SLC27A6: variants seen among roughly 807,000 people sequenced by gnomAD.
SLC27A6 encodes the protein solute carrier family 27 member 6, also known as long-chain fatty acid transport protein 6.
A neutral mutation model predicts 63.9 loss-of-function variants in SLC27A6; 74 were observed. That is an observed-to-expected ratio of 1.16 (90% CI 0.96 to 1.40). The LOEUF is 1.40. Ranked by LOEUF, SLC27A6 falls within the 40% of genes most tolerant of loss-of-function variation. The pLI, the probability that SLC27A6 is intolerant of heterozygous loss-of-function variation, is 0.00. For synonymous variants in SLC27A6, 287 were observed against 260.8 expected, an observed-to-expected ratio of 1.10 and a Z score of -0.97; for missense variants, 794 against 732.9, an observed-to-expected ratio of 1.08 and a Z score of -0.96.
At chr5:129,020,240 A>G (rs888540970) in intron 5 of SLC27A6, among the ~76,000 whole-genome samples, 2 of 152,210 alleles carry the variant, frequency 1.3e-5, no homozygotes, top group African/African-American at 2.4e-5. Context: ...CAAAGTTTTA[A>G]GAAATCAGAA....
intron 4 of SLC27A6, among the ~76,000 whole-genome samples, chr5:129,000,586 G>T (rs572510844): frequency 2.0e-5 from 3 of 152,264 alleles, no homozygotes; most frequent in Admixed American, 1.3e-4. Context: ...TTCTATCGTT[G>T]CAGGCAGGGA....
At chr5:128,994,271 C>G (rs563528592) in intron 4 of SLC27A6, among the ~76,000 whole-genome samples, 77 of 152,048 alleles carry the variant, frequency 5.1e-4, no homozygotes, top group African/African-American at 1.8e-3. Context: ...TGAATGCAAA[C>G]TGAGGAGGAA....
rs1357633902 is a variant in SLC27A6 at position 128,988,592 on chromosome 5, T to C, written c.686-8T>C. 1 of 1,612,286 alleles carries C rather than the reference T, an allele frequency of 6.2e-7. No homozygotes were observed. Among genetic ancestry groups the C allele is most frequent in the Non-Finnish European group, 8.5e-7 (1 of 1,179,050 alleles). The stretch of plus-strand genomic sequence containing the variant: ...ATATATATTTCCTGTTCTTTTCTTT[T>C]CTTCCAGGTCTACCAAAAGCAGCTG... On this transcript the variant is annotated splice_polypyrimidine_tract_variant and splice_region_variant and intron_variant, in intron 2 of 9. Transcript: ENST00000262462.
intron 4 of SLC27A6, among the ~76,000 whole-genome samples, chr5:129,014,765 C>T (rs1478147709): frequency 6.6e-6 from 1 of 152,190 alleles, no homozygotes; most frequent in Non-Finnish European, 1.5e-5. Context: ...CTGCTTTCCT[C>T]ATTCTTTTTG....
chr5:128,969,954 T>C (rs1044513123), intron 1 of SLC27A6, among the ~76,000 whole-genome samples: 3 of 152,340 alleles, frequency 2.0e-5, no homozygotes, highest in Admixed American at 6.5e-5. Flanking sequence ...ACCTAGTTTA[T>C]TGAGAGTTTT....
At chr5:128,986,425 A>C (rs1750787855) in intron 2 of SLC27A6, among the ~76,000 whole-genome samples, 1 of 152,168 alleles carries the variant, frequency 6.6e-6, no homozygotes, top group Non-Finnish European at 1.5e-5. Context: ...TTTGAAAATG[A>C]TTGTTGATTT....
chr5:128,986,036 C>T (rs1750774632), intron 2 of SLC27A6, among the ~76,000 whole-genome samples: 1 of 152,130 alleles, frequency 6.6e-6, no homozygotes, highest in Admixed American at 6.6e-5. Context: ...AAGGGCCTGG[C>T]ACAGTGACTA....
intron 1 of SLC27A6, among the ~76,000 whole-genome samples, chr5:128,976,683 A>C (rs768362239): frequency 0.32 from 48,456 of 152,174 alleles, 8,477 homozygotes; most frequent in East Asian, 0.62. Context: ...ACTACAAACT[A>C]TGCACCATTT....
intron 8 of SLC27A6, 46 bp from the exon 9 acceptor site, chr5:129,029,531 G>T (rs780090386): frequency 7.4e-7 from 1 of 1,349,110 alleles, no homozygotes; most frequent in African/African-American, 1.5e-5. Context: ...ATCTTTTAAA[G>T]TTTATTTGGT....
intron 4 of SLC27A6, among the ~76,000 whole-genome samples, chr5:128,993,497 G>A (rs994306211): frequency 4.6e-5 from 7 of 152,058 alleles, no homozygotes; most frequent in African/African-American, 4.8e-5. Flanking sequence ...AAGATTACTG[G>A]CAAGGTGGGA....
Position 129,027,267 on chromosome 5 carries a change from G to T in SLC27A6, c.1390G>T (p.Asp464Tyr). 6.2e-7 allele frequency: 1 copy of T among 1,613,230 alleles called. No individual in the cohort carries two copies. Among genetic ancestry groups the T allele is most frequent in the South Asian group, 1.1e-5 (1 of 91,064 alleles). The change falls in exon 7 of 10, where the codon GAC becomes TAC. Residue 464 changes from aspartate to tyrosine, a missense_variant. Transcript: ENST00000262462. ...GGGAGATGTTTACCTTAATACTGGA[G>T]ACTTAATAGTCCAGGATCAGGACAA... ...KKGDVYLNTG[D>Y]LIVQDQDNFL...
intron 8 of SLC27A6, 90 bp from the exon 9 acceptor site, chr5:129,029,487 G>A (rs1039720519): frequency 2.5e-6 from 2 of 795,030 alleles, no homozygotes; most frequent in South Asian, 1.8e-5. Context: ...TAGATTTAAT[G>A]TCTCCATGTG....
intron 9 of SLC27A6, among the ~76,000 whole-genome samples, chr5:129,031,269 A>G (rs1001109912): frequency 2.6e-5 from 4 of 152,056 alleles, no homozygotes; most frequent in African/African-American, 9.7e-5. Flanking sequence ...TAATAAATGA[A>G]TGTTAGTAAT....
chr5:128,967,204 C>CTTT (rs11371874), intron 1 of SLC27A6, among the ~76,000 whole-genome samples: 5 of 151,870 alleles, frequency 3.3e-5, no homozygotes, highest in Admixed American at 3.3e-4. Context: ...TCCATGCATC[C>CTTT]TTTTCTTTTT....
Position 129,016,013 on chromosome 5 carries a change from A to G in SLC27A6, c.1098A>G (p.Ser366=). 6.2e-7 allele frequency: 1 copy of G among 1,606,946 alleles called. No individual in the cohort carries two copies. Among genetic ancestry groups the G allele is most frequent in the Middle Eastern group, 1.7e-4 (1 of 6,040 alleles). The change falls in exon 5 of 10, where the codon TCA becomes TCG. Residue 366 remains serine (S), a synonymous_variant. Transcript: ENST00000262462. ...KVCELYAATE[S]SISFMNYTGR... ...GTGAACTTTATGCAGCTACCGAATC[A>G]AGCATATCTTTCATGAACTACACTG...
At chr5:128,998,602 T>A (rs1478811504) in intron 4 of SLC27A6, among the ~76,000 whole-genome samples, 2 of 152,092 alleles carry the variant, frequency 1.3e-5, no homozygotes, top group South Asian at 2.1e-4. Context: ...ATTATGCATA[T>A]CTCCTCTTAG....
chr5:128,994,181 T>C (rs973950315), intron 4 of SLC27A6, among the ~76,000 whole-genome samples: 7 of 151,962 alleles, frequency 4.6e-5, no homozygotes, highest in African/African-American at 1.7e-4. Flanking sequence ...AAAAAATTAA[T>C]TTAATTTTTA....
chr5:128,982,244 G>A (rs2150132648), intron 1 of SLC27A6, among the ~76,000 whole-genome samples: 1 of 152,104 alleles, frequency 6.6e-6, no homozygotes, highest in African/African-American at 2.4e-5. Context: ...TACCACTATT[G>A]AAGAAATAAT....
chr5:129,023,106 A>G (rs1039171042), intron 5 of SLC27A6, among the ~76,000 whole-genome samples: 22 of 152,106 alleles, frequency 1.4e-4, no homozygotes, highest in African/African-American at 5.1e-4. Context: ...GGCTTAGGGG[A>G]AAAGGACAAA....
Sources: allele counts gnomAD v4.1 joint callset (sites outside exome capture counted in the v4.1 genomes callset), GRCh38; gene constraint gnomAD v4.1.1; transcripts MANE v1.5; gene names NCBI Gene and HGNC (gene_info 2026-07-23, HGNC 2026-07-21).